The following MYH15 variants were observed in gnomAD, a reference collection of about 807,000 sequenced individuals.
MYH15 encodes myosin-15.
In MYH15, 227 loss-of-function variants were observed where a neutral mutation model predicts 240.5. The ratio of observed to expected loss-of-function variants is 0.94; its 90% CI spans 0.85 to 1.05. The LOEUF is 1.05. Ranked by LOEUF, MYH15 falls within the 50% of genes least tolerant of loss-of-function variation. The pLI is 0.00. For synonymous variants in MYH15, 785 were observed against 796.7 expected, an observed-to-expected ratio of 0.99 and a Z score of 0.25; for missense variants, 2,217 against 2,247.5, an observed-to-expected ratio of 0.99 and a Z score of 0.27.
intron 30 of MYH15, among the ~76,000 whole-genome samples, chr3:108,413,751 G>A (rs990295886): frequency 1.3e-5 from 2 of 152,220 alleles, no homozygotes; most frequent in Non-Finnish European, 2.9e-5. Context: ...TAGAAGACAT[G>A]ACGACAGATC....
At position 108,395,635 on chromosome 3, in the gene MYH15, C is replaced by CTTT. The variant is rs10708448; in HGVS notation, c.5134-1482_5134-1480dup. ...TCTCTAATTTGTTTTTTTTTTCTTT[C>CTTT]TTTTTTTTTTTTTTTAGGAGAAAGG... On this transcript the variant is annotated intron_variant, in intron 35 of 40. Transcript: ENST00000693548. 1.3e-3 allele frequency among the ~76,000 whole-genome samples: 172 copies of CTTT among 135,518 alleles called. 1 individual carries two copies. The highest frequency in any genetic ancestry group is 3.8e-3 in the Middle Eastern group (1 of 266). The allele number at this position is 135,518 out of a possible 152,430, so 88.9% of individuals were successfully genotyped here. A position where few individuals can be genotyped will look rare whatever the true frequency, so the allele number is the denominator to read the frequency against.
chr3:108,406,775 G>C (rs1477534925), intron 32 of MYH15, among the ~76,000 whole-genome samples: 1 of 152,166 alleles, frequency 6.6e-6, no homozygotes, highest in Non-Finnish European at 1.5e-5. Flanking sequence ...GCCATCTAGT[G>C]GTACTAAGTG....
intron 12 of MYH15, among the ~76,000 whole-genome samples, chr3:108,475,075 AAC>A (rs1470056462): frequency 6.6e-6 from 1 of 152,226 alleles, no homozygotes; most frequent in African/African-American, 2.4e-5. Context: ...TGTTTTAAAT[AAC>A]ACAGACACAT....
intron 25 of MYH15, among the ~76,000 whole-genome samples, chr3:108,431,861 G>A (rs551298422): frequency 6.6e-6 from 1 of 152,296 alleles, no homozygotes; most frequent in South Asian, 2.1e-4. Flanking sequence ...AGTCTCAGAT[G>A]GAGATGAGGA....
At chr3:108,472,277 G>A (rs1018261068) in intron 12 of MYH15, among the ~76,000 whole-genome samples, 1 of 152,204 alleles carries the variant, frequency 6.6e-6, no homozygotes, top group Non-Finnish European at 1.5e-5. Flanking sequence ...CCAAGGAAGG[G>A]AGAATTTTAG....
Position 108,444,683 on chromosome 3 carries a change from GAT to G in MYH15, c.2610_2611del (p.Ser871ProfsTer7), listed in dbSNP as rs762642008. On this transcript the variant is annotated frameshift_variant, in exon 22 of 41. Transcript: ENST00000693548. LOFTEE classifies it high-confidence loss of function. ...CAGGTCATTTTTTTCCTGAGTGAGGGATACTTGCTTTGCTTTCAGTTCCTCCC... is the reference window on the plus strand; with the variant it reads ...CAGGTCATTTTTTTCCTGAGTGAGGGACTTGCTTTGCTTTCAGTTCCTCCC... 4.3e-6 allele frequency: 7 copies of G among 1,614,046 alleles called. No individual in the cohort carries two copies. In the South Asian group the frequency reaches 5.5e-5, roughly 13 times the overall value.
intron 12 of MYH15, among the ~76,000 whole-genome samples, chr3:108,472,651 A>G (rs1190622585): frequency 6.6e-6 from 1 of 152,178 alleles, no homozygotes; most frequent in Non-Finnish European, 1.5e-5. Flanking sequence ...TTAATTCCCT[A>G]AATACTTGAG....
chr3:108,511,467 T>G (rs915270040), upstream of MYH15, among the ~76,000 whole-genome samples: 1 of 152,130 alleles, frequency 6.6e-6, no homozygotes, highest in Non-Finnish European at 1.5e-5. Flanking sequence ...GCTGGACAAA[T>G]TACCAAGGCT....
intron 25 of MYH15, among the ~76,000 whole-genome samples, 173 bp from the exon 26 acceptor site, chr3:108,431,095 T>A (rs1012325809): frequency 6.6e-6 from 1 of 152,172 alleles, no homozygotes; most frequent in Non-Finnish European, 1.5e-5. Flanking sequence ...AAATAGCACA[T>A]GCACTCCAAA....
chr3:108,465,749 A>C (rs1329284449), intron 14 of MYH15, among the ~76,000 whole-genome samples: 1 of 152,186 alleles, frequency 6.6e-6, no homozygotes, highest in Non-Finnish European at 1.5e-5. Context: ...CAACACGGTA[A>C]AATCCTGTCT....
At position 108,485,166 on chromosome 3, in the gene MYH15, C is replaced by T; in HGVS notation, c.1039G>A (p.Ala347Thr). 2 of 1,614,106 alleles carry T rather than the reference C, an allele frequency of 1.2e-6. No homozygotes were observed. Among genetic ancestry groups the T allele is most frequent in the Middle Eastern group, 3.3e-4 (2 of 6,062 alleles). The change falls in exon 11 of 41, where the codon GCC becomes ACC. Residue 347 changes from alanine (A) to threonine (T), a missense_variant. Ala to Thr is a moderately conservative substitution (Grantham distance 58). Transcript: ENST00000693548. ...TTCATATTTCCAAAGTGCATGATGG[C>T]TCCAGTGAGTTTATAGCATCCATAC... ...EKYGCYKLTGAIMHFGNMKFK... is the reference protein window; with the variant it reads ...EKYGCYKLTGTIMHFGNMKFK...
chr3:108,407,521 T>G (rs2082555790), intron 32 of MYH15, among the ~76,000 whole-genome samples: 1 of 152,152 alleles, frequency 6.6e-6, no homozygotes, highest in Non-Finnish European at 1.5e-5. Flanking sequence ...CGAAATGTCT[T>G]CTTAGAGGTC....
At chr3:108,435,358 C>T (rs1049546677) in intron 25 of MYH15, among the ~76,000 whole-genome samples, 1 of 151,980 alleles carries the variant, frequency 6.6e-6, no homozygotes, top group African/African-American at 2.4e-5. Context: ...TTTTTAAGTA[C>T]AAAATGTAGT....
intron 3 of MYH15, among the ~76,000 whole-genome samples, chr3:108,500,578 C>A (rs1333297835): frequency 6.6e-6 from 1 of 152,092 alleles, no homozygotes; most frequent in African/African-American, 2.4e-5. Flanking sequence ...CAGTAACCAG[C>A]CATCAGGCAT....
chr3:108,520,739 A>G (rs758822829), intron 1 of MYH15, among the ~76,000 whole-genome samples: 1 of 152,148 alleles, frequency 6.6e-6, no homozygotes, highest in African/African-American at 2.4e-5. Flanking sequence ...CTCTAGTGCT[A>G]TCTCTCCAGT....
At chr3:108,481,520 G>A (rs1230084044) in intron 11 of MYH15, among the ~76,000 whole-genome samples, 1 of 152,188 alleles carries the variant, frequency 6.6e-6, no homozygotes, top group Non-Finnish European at 1.5e-5. Flanking sequence ...GGTAGCTAGA[G>A]AAGGCTTTTC....
At chr3:108,497,750 T>C (rs972564338) in intron 6 of MYH15, among the ~76,000 whole-genome samples, 3 of 152,146 alleles carry the variant, frequency 2.0e-5, no homozygotes, top group African/African-American at 7.2e-5. Context: ...AGCCTTTAGG[T>C]AAGATGGTTT....
At chr3:108,390,601 A>T (rs894417614) in intron 37 of MYH15, among the ~76,000 whole-genome samples, 2 of 152,224 alleles carry the variant, frequency 1.3e-5, no homozygotes, top group Non-Finnish European at 2.9e-5. Flanking sequence ...TTATAAATGC[A>T]TGGTTTTTGC....
At chr3:108,550,774 A>C in the MYH15 span, 1 of 152,724 alleles carries the variant, frequency 6.5e-6, no homozygotes, top group South Asian at 2.1e-4. Flanking sequence ...CTGTTATACC[A>C]AGAAAGTTTG....
Sources: allele counts gnomAD v4.1 joint callset (sites outside exome capture counted in the v4.1 genomes callset), GRCh38; gene constraint gnomAD v4.1.1; transcripts MANE v1.5; gene names NCBI Gene and HGNC (gene_info 2026-07-23, HGNC 2026-07-21).